STIM1: variants seen among roughly 807,000 people sequenced by gnomAD.
STIM1 encodes stromal interaction molecule 1.
STIM1 carries 25 observed loss-of-function variants against 74.7 expected under a neutral mutation model. The observed-to-expected ratio is 0.33, with a 90% CI of 0.24 to 0.47. The LOEUF (loss-of-function observed/expected upper bound fraction) is 0.47, where lower values mean the gene tolerates loss of function less well. STIM1 is among the 20% of genes least tolerant of loss of function. The pLI is 1.00. For missense variants in STIM1, 728 were observed against 920.8 expected (o/e 0.79, Z 2.71); for synonymous variants, 328 against 348.8 (o/e 0.94, Z 0.66).
At chr11:3,895,746 TCCTTCCTTCCTTC>T (rs2092123634) in intron 1 of STIM1, among the ~76,000 whole-genome samples, 1 of 32,072 alleles carries the variant, frequency 3.1e-5, no homozygotes, top group Non-Finnish European at 5.3e-5. Flanking sequence ...TTTTCTTTCT[TCCTTCCTTCCTTC>T]CTTCCTTCCT....
At chr11:4,055,271 A>AT (rs1309194965) in intron 3 of STIM1, among the ~76,000 whole-genome samples, 17 of 152,254 alleles carry the variant, frequency 1.1e-4, no homozygotes, top group South Asian at 2.1e-4. Context: ...TGCATTTGTG[A>AT]TTTTTTCCCA....
intron 1 of STIM1, among the ~76,000 whole-genome samples, chr11:3,865,881 G>A (rs2090836112): frequency 6.6e-6 from 1 of 152,218 alleles, no homozygotes; most frequent in African/African-American, 2.4e-5. Flanking sequence ...CAACTTGCTA[G>A]AGCAGGCAAG....
At chr11:3,989,241 A>G (rs2093585597) in intron 2 of STIM1, 2 of 869,082 alleles carry the variant, frequency 2.3e-6, no homozygotes, top group African/African-American at 1.7e-5. Flanking sequence ...CTGCAGGTAA[A>G]TGTTCTTTAG....
rs7926845 is a variant in STIM1 at position 3,898,329 on chromosome 11, T to A, written c.139+41920T>A. On this transcript the variant is annotated intron_variant, in intron 1 of 12. Transcript: ENST00000526596. Reference sequence around the variant, plus strand: ...AATGTCTTCTTTTGAGAAGTGTCTGTTCATGTCCTTTGCCCACTTTTTGAT... The same window carrying A: ...AATGTCTTCTTTTGAGAAGTGTCTGATCATGTCCTTTGCCCACTTTTTGAT... Among the ~76,000 whole-genome samples the A allele has an allele frequency of 5.9e-3, 471 of 80,152 alleles. 6 individuals carry two copies. The highest frequency in any genetic ancestry group is 0.024 in the African/African-American group (451 of 19,174). The allele number at this position is 80,152 out of a possible 152,430, so 52.6% of individuals were successfully genotyped here.
chr11:4,060,416 G>A (rs997987783), intron 5 of STIM1, among the ~76,000 whole-genome samples: 3 of 152,198 alleles, frequency 2.0e-5, no homozygotes, highest in Admixed American at 2.0e-4. Flanking sequence ...CCCTGTCTGT[G>A]AATATGGCTT....
At chr11:4,071,177 T>C (rs2133166850) in intron 6 of STIM1, among the ~76,000 whole-genome samples, 1 of 152,214 alleles carries the variant, frequency 6.6e-6, no homozygotes, top group South Asian at 2.1e-4. Flanking sequence ...CAGAAGGCAA[T>C]AGAGAGTCAA....
At position 3,989,420 on chromosome 11, in the gene STIM1, C is replaced by T. The variant is rs886509722; in HGVS notation, c.270+21738C>T. ...CGCGCCGATCTCCTCTTGGGCTCTT[C>T]CTTGGCGGCCCCTTCCGCGGAGCTG... On this transcript the variant is annotated intron_variant, in intron 2 of 12. Coordinates refer to ENST00000526596, the MANE Select transcript of STIM1 (RefSeq NM_001382567.1). The T allele has an allele frequency of 5.4e-6, 4 of 736,776 alleles. No homozygotes were observed. In the African/African-American group the frequency reaches 6.9e-5, roughly 13 times the overall value. 45.6% of individuals were successfully genotyped at this position (736,776 alleles called of 1,614,324 possible).
At chr11:3,965,966 C>T (rs2093336711) in intron 1 of STIM1, among the ~76,000 whole-genome samples, 1 of 152,156 alleles carries the variant, frequency 6.6e-6, no homozygotes, top group Non-Finnish European at 1.5e-5. Flanking sequence ...GAGATCATGC[C>T]ACTGCACTCA....
chr11:3,904,769 A>G (rs16929659), intron 1 of STIM1, among the ~76,000 whole-genome samples: 3,631 of 152,192 alleles, frequency 0.024, 145 homozygotes, highest in African/African-American at 0.083. Context: ...CATGGAATAC[A>G]AGAGAGAGAG....
chr11:3,987,676 A>G (rs1366056716), intron 2 of STIM1, among the ~76,000 whole-genome samples: 1 of 152,148 alleles, frequency 6.6e-6, no homozygotes, highest in Non-Finnish European at 1.5e-5. Flanking sequence ...TACTCAGTAA[A>G]TATTGGTTAG....
At chr11:4,045,292 C>T (rs946673909) in intron 3 of STIM1, among the ~76,000 whole-genome samples, 13 of 152,150 alleles carry the variant, frequency 8.5e-5, no homozygotes, top group Non-Finnish European at 1.5e-4. Flanking sequence ...CTGTACTTTA[C>T]AGGCTAGCAC....
chr11:4,043,328 C>G (rs1176593007), intron 3 of STIM1, among the ~76,000 whole-genome samples: 1 of 152,114 alleles, frequency 6.6e-6, no homozygotes, highest in Non-Finnish European at 1.5e-5. Flanking sequence ...CAGGGTATAT[C>G]TTTACTACCC....
At chr11:3,992,065 A>G (rs1326491096) in intron 2 of STIM1, among the ~76,000 whole-genome samples, 1 of 132,828 alleles carries the variant, frequency 7.5e-6, no homozygotes, top group Non-Finnish European at 1.6e-5. Flanking sequence ...TTTTCTCTGC[A>G]GCCTTGCCAA....
intron 1 of STIM1, among the ~76,000 whole-genome samples, chr11:3,878,814 C>G (rs1288542166): frequency 6.6e-6 from 1 of 152,170 alleles, no homozygotes; most frequent in Non-Finnish European, 1.5e-5. Flanking sequence ...CAGTGGGTTC[C>G]TATTGCTAGC....
intron 1 of STIM1, among the ~76,000 whole-genome samples, chr11:3,946,143 G>T (rs1034600907): frequency 2.0e-5 from 3 of 152,148 alleles, no homozygotes; most frequent in Non-Finnish European, 4.4e-5. Flanking sequence ...AACAGCAGGC[G>T]CTGGATAGGA....
At chr11:3,957,428 T>C (rs535016682) in intron 1 of STIM1, among the ~76,000 whole-genome samples, 2 of 152,092 alleles carry the variant, frequency 1.3e-5, no homozygotes, top group African/African-American at 4.8e-5. Flanking sequence ...GGCTAATTTT[T>C]TTGTATTTTT....
chr11:3,892,441 A>G, intron 1 of STIM1: 4 of 1,481,736 alleles, frequency 2.7e-6, no homozygotes, highest in Admixed American at 1.7e-5. Flanking sequence ...TGGTCTTGCC[A>G]TTCCTGGACC....
intron 2 of STIM1, among the ~76,000 whole-genome samples, chr11:4,011,023 T>C (rs2959078): frequency 1 from 151,589 of 152,284 alleles, 75,449 homozygotes; most frequent in Middle Eastern, 1. Flanking sequence ...CCAGCTTCAT[T>C]CAAGTCCCTG....
At chr11:4,086,860 G>A (rs1272178500) in intron 12 of STIM1, 2 of 1,530,156 alleles carry the variant, frequency 1.3e-6, no homozygotes, top group Admixed American at 2.0e-5. Flanking sequence ...AGAGAGCTTG[G>A]GGTATCAGCT....
Sources: allele counts gnomAD v4.1 joint callset (sites outside exome capture counted in the v4.1 genomes callset), GRCh38; gene constraint gnomAD v4.1.1; transcripts MANE v1.5; gene names NCBI Gene and HGNC (gene_info 2026-07-23, HGNC 2026-07-21).